Variants in PCNX1 observed in about 807,000 individuals in gnomAD.
PCNX1 encodes pecanex 1.
PCNX1 carries 78 observed loss-of-function variants against 242.2 expected under a neutral mutation model. That is an observed-to-expected ratio of 0.32 (90% CI 0.27 to 0.39). The LOEUF is 0.39. PCNX1 is among the 10% of genes least tolerant of loss of function. PCNX1 has a pLI of 1.00. For missense variants in PCNX1, 2,581 were observed against 2,856.5 expected (o/e 0.90, Z 2.20); for synonymous variants, 1,024 against 1,032.9 (o/e 0.99, Z 0.17).
chr14:70,943,329 G>T (rs1252708108), intron 1 of PCNX1, among the ~76,000 whole-genome samples: 1 of 152,178 alleles, frequency 6.6e-6, no homozygotes, highest in Admixed American at 6.5e-5. Flanking sequence ...TGACCAAAAT[G>T]CTGATAGTGA....
chr14:71,018,977 A>C, intron 11 of PCNX1, 32 bp from the exon 12 acceptor site: 1 of 1,566,544 alleles, frequency 6.4e-7, no homozygotes, highest in East Asian at 2.3e-5. Flanking sequence ...TATACTTAAG[A>C]TATACTTACC....
intron 30 of PCNX1, among the ~76,000 whole-genome samples, chr14:71,092,253 G>A (rs1046479197): frequency 6.6e-6 from 1 of 152,208 alleles, no homozygotes; most frequent in East Asian, 1.9e-4. Flanking sequence ...AAAACCTTGC[G>A]CATTTTACAA....
chr14:71,087,111 T>A (rs1379270897), intron 28 of PCNX1, among the ~76,000 whole-genome samples: 1 of 152,254 alleles, frequency 6.6e-6, no homozygotes, highest in Non-Finnish European at 1.5e-5. Context: ...TCACCCGTTG[T>A]AACTACCTTT....
chr14:70,976,496 C>T (rs936990611), intron 5 of PCNX1, among the ~76,000 whole-genome samples: 13 of 151,868 alleles, frequency 8.6e-5, no homozygotes, highest in African/African-American at 3.1e-4. Flanking sequence ...CCTCAGCCTC[C>T]GGAGAAGCTG....
chr14:70,978,114 A>C lies in PCNX1; in HGVS notation c.1777A>C (p.Ser593Arg). The change falls in exon 6 of 36, where the codon AGT becomes CGT. Residue 593 changes from serine (S) to arginine (R), a missense_variant. Transcript: ENST00000304743. Reference sequence around the variant, plus strand: ...AGGTGTTTCTGGTACCAAGCCACACAGTGCTATATTTTGTCATGACGAAGA... The same window carrying C: ...AGGTGTTTCTGGTACCAAGCCACACCGTGCTATATTTTGTCATGACGAAGA... ...FRGVSGTKPH[S>R]AIFCHDEDSS... 6.2e-7 allele frequency: 1 copy of C among 1,614,136 alleles called. No homozygotes were observed. The highest frequency in any genetic ancestry group is 8.5e-7 in the Non-Finnish European group (1 of 1,180,014).
intron 4 of PCNX1, 123 bp from the exon 5 acceptor site, chr14:70,968,898 A>G: frequency 1.6e-6 from 1 of 626,962 alleles, no homozygotes; most frequent in South Asian, 2.1e-5. Flanking sequence ...AACCTTTGAT[A>G]CACAAAAACT....
intron 2 of PCNX1, among the ~76,000 whole-genome samples, chr14:70,955,626 G>C (rs1302330333): frequency 6.6e-6 from 1 of 152,062 alleles, no homozygotes; most frequent in African/African-American, 2.4e-5. Flanking sequence ...ACCTGAATTT[G>C]TTGTATTGCT....
chr14:70,971,410 C>CT (rs1434609830), intron 5 of PCNX1, among the ~76,000 whole-genome samples: 1 of 13,388 alleles, frequency 7.5e-5, no homozygotes, highest in African/African-American at 2.6e-4. Context: ...TCCCAAAGTG[C>CT]TGGGATTACA....
intron 19 of PCNX1, among the ~76,000 whole-genome samples, chr14:71,039,279 T>C (rs1309311269): frequency 6.6e-6 from 1 of 152,178 alleles, no homozygotes; most frequent in East Asian, 1.9e-4. Flanking sequence ...TCATGATTTC[T>C]CTGGGTTATG....
intron 1 of PCNX1, among the ~76,000 whole-genome samples, chr14:70,931,380 C>A (rs1472633365): frequency 1.3e-5 from 2 of 152,132 alleles, no homozygotes; most frequent in Non-Finnish European, 2.9e-5. Flanking sequence ...TGTAAACAGC[C>A]ATAGGATGGA....
At chr14:71,033,655 T>C (rs888858346) in intron 17 of PCNX1, 117 bp downstream of exon 17, 4 of 615,248 alleles carry the variant, frequency 6.5e-6, no homozygotes, top group African/African-American at 3.7e-5. Flanking sequence ...TGGCCTAATC[T>C]ATATTAAGTT....
At chr14:71,045,687 G>A (rs1595363572) in intron 20 of PCNX1, among the ~76,000 whole-genome samples, 1 of 152,134 alleles carries the variant, frequency 6.6e-6, no homozygotes, top group East Asian at 1.9e-4. Flanking sequence ...TAATGCGTAG[G>A]GAGGAAGAAA....
intron 19 of PCNX1, among the ~76,000 whole-genome samples, chr14:71,039,954 C>T (rs893592772): frequency 6.6e-6 from 1 of 151,984 alleles, no homozygotes; most frequent in African/African-American, 2.4e-5. Context: ...GTCATTTTTC[C>T]TCCTGCTTGA....
intron 5 of PCNX1, among the ~76,000 whole-genome samples, chr14:70,975,320 G>A (rs13379253): frequency 1.9e-3 from 248 of 130,776 alleles, no homozygotes; most frequent in African/African-American, 7.5e-3. Context: ...AGTAGCAGCT[G>A]TGTTGGGAAA....
intron 32 of PCNX1, 146 bp downstream of exon 32, chr14:71,103,815 G>A (rs1234603211): frequency 4.6e-6 from 3 of 646,818 alleles, no homozygotes; most frequent in Non-Finnish European, 7.8e-6. Context: ...TCAAGAAGTA[G>A]AATCTGAGCA....
chr14:71,028,890 CTTAGCAT>C, intron 16 of PCNX1, 99 bp downstream of exon 16: 1 of 638,632 alleles, frequency 1.6e-6, no homozygotes, highest in South Asian at 2.4e-5. Flanking sequence ...CCTGGTATCG[CTTAGCAT>C]TAATTTTCAT....
At chr14:70,980,212 A>G (rs755304357) in intron 6 of PCNX1, among the ~76,000 whole-genome samples, 1 of 152,102 alleles carries the variant, frequency 6.6e-6, no homozygotes, top group East Asian at 1.9e-4. Flanking sequence ...TTTATATTTA[A>G]AATGTCATTT....
intron 28 of PCNX1, among the ~76,000 whole-genome samples, chr14:71,083,694 C>G (rs1201011190): frequency 6.6e-6 from 1 of 151,976 alleles, no homozygotes; most frequent in African/African-American, 2.4e-5. Context: ...TTTTTCAGCT[C>G]CATCAGGTCA....
chr14:70,980,501 G>T (rs927133122), intron 6 of PCNX1, among the ~76,000 whole-genome samples: 1 of 152,028 alleles, frequency 6.6e-6, no homozygotes, highest in Non-Finnish European at 1.5e-5. Context: ...CATTGCACAG[G>T]CTTTTTTAAT....
Sources: gnomAD v4.1 joint callset for allele counts (sites outside exome capture counted in the v4.1 genomes callset) on GRCh38, gnomAD v4.1.1 for gene constraint, MANE v1.5 for transcripts, NCBI Gene and HGNC (gene_info 2026-07-23, HGNC 2026-07-21) for gene names.